RNF182: variants seen among roughly 807,000 people sequenced by gnomAD.
The protein encoded by RNF182 is E3 ubiquitin-protein ligase RNF182.
Under a neutral mutation model 14.4 loss-of-function variants are expected in RNF182, and 15 were observed. The ratio of observed to expected loss-of-function variants is 1.04; its 90% confidence interval spans 0.70 to 1.60. The LOEUF (loss-of-function observed/expected upper bound fraction) is 1.60, where lower values mean the gene tolerates loss of function less well. Among genes scored for constraint, RNF182 ranks in the 40% most tolerant of loss-of-function variants. The pLI is 0.00. For missense variants in RNF182, 268 were observed against 294.8 expected (o/e 0.91, Z 0.67); for synonymous variants, 128 against 122.9 (o/e 1.04, Z -0.27).
chr6:13,938,101 C>T (rs141934820), intron 1 of RNF182, among the ~76,000 whole-genome samples: 575 of 141,704 alleles, frequency 4.1e-3, no homozygotes, highest in African/African-American at 0.014. Context: ...ACCGGGTTCA[C>T]GCCATTCTCC....
intron 1 of RNF182, among the ~76,000 whole-genome samples, chr6:13,934,646 T>C (rs568153309): frequency 1.3e-5 from 2 of 152,248 alleles, no homozygotes; most frequent in African/African-American, 4.8e-5. Context: ...AAGACTGAAC[T>C]GTGATCCACG....
At chr6:13,928,188 G>A (rs923584246) in intron 1 of RNF182, among the ~76,000 whole-genome samples, 5 of 152,198 alleles carry the variant, frequency 3.3e-5, no homozygotes, top group Non-Finnish European at 7.3e-5. Flanking sequence ...TGGGGAAAAT[G>A]TATACTTTTA....
At chr6:13,947,582 T>C (rs141391640) in intron 1 of RNF182, among the ~76,000 whole-genome samples, 1,911 of 152,298 alleles carry the variant, frequency 0.013, 18 homozygotes, top group Non-Finnish European at 0.02. Flanking sequence ...AGACCAGTCA[T>C]GGATTTATGT....
intron 1 of RNF182, among the ~76,000 whole-genome samples, chr6:13,938,211 G>C (rs1032525384): frequency 6.9e-6 from 1 of 145,176 alleles, no homozygotes; most frequent in African/African-American, 2.6e-5. Context: ...TAGAGACGGG[G>C]TTTCACCGTG....
At chr6:13,929,424 CA>C (rs1301759188) in intron 1 of RNF182, among the ~76,000 whole-genome samples, 62 of 152,282 alleles carry the variant, frequency 4.1e-4, no homozygotes, top group African/African-American at 1.3e-3. Context: ...GTTGTTTATT[CA>C]AACTCTTGAA....
intron 1 of RNF182, among the ~76,000 whole-genome samples, chr6:13,966,686 C>A (rs531422607): frequency 3.3e-5 from 5 of 152,152 alleles, no homozygotes; most frequent in Admixed American, 3.3e-4. Flanking sequence ...TTGCTTGACC[C>A]CGCGGGGTGG....
At chr6:13,937,076 C>T (rs1759129815) in intron 1 of RNF182, among the ~76,000 whole-genome samples, 1 of 152,074 alleles carries the variant, frequency 6.6e-6, no homozygotes, top group African/African-American at 2.4e-5. Context: ...CATGGTGTTG[C>T]ATATAGACTT....
intron 1 of RNF182, among the ~76,000 whole-genome samples, chr6:13,973,376 C>T (rs543725281): frequency 5.9e-5 from 9 of 151,790 alleles, no homozygotes; most frequent in African/African-American, 9.7e-5. Flanking sequence ...TGGGAGGGCA[C>T]GATTGGTTTT....
rs1194431927 is a variant in RNF182, at chr6:13,977,944, A to G, written c.*81A>G. 6 of 1,386,204 alleles carry G rather than the reference A, an allele frequency of 4.3e-6. No homozygotes were observed. Among genetic ancestry groups the G allele is most frequent in the Admixed American group, 2.3e-5 (1 of 43,748 alleles). The allele number at this position is 1,386,204 out of a possible 1,614,324, so 85.9% of individuals were successfully genotyped here. ...GATAATTTATAATTTATTTTCTTTT[A>G]TGTTCTTTATGATTAGTATCCATGA... On this transcript the variant is annotated 3_prime_UTR_variant, in exon 3 of 3. Coordinates refer to ENST00000488300, the MANE Select transcript of RNF182 (RefSeq NM_152737.4).
intron 1 of RNF182, among the ~76,000 whole-genome samples, chr6:13,935,184 A>G (rs900366871): frequency 6.6e-6 from 1 of 152,226 alleles, no homozygotes; most frequent in African/African-American, 2.4e-5. Context: ...TTAGGAGCCA[A>G]TGTCAATAGT....
At chr6:13,949,430 T>C (rs1759526427) in intron 1 of RNF182, 1 of 717,154 alleles carries the variant, frequency 1.4e-6, no homozygotes, top group East Asian at 2.6e-5. Context: ...AGCTGTCATC[T>C]ATAGGTTTCT....
chr6:13,958,228 A>G (rs2113625146), intron 1 of RNF182, among the ~76,000 whole-genome samples: 1 of 152,198 alleles, frequency 6.6e-6, no homozygotes, highest in South Asian at 2.1e-4. Flanking sequence ...TCTATTAAAA[A>G]TACAAAAGTT....
At chr6:13,953,188 A>G (rs1367278854) in intron 1 of RNF182, among the ~76,000 whole-genome samples, 2 of 152,214 alleles carry the variant, frequency 1.3e-5, no homozygotes, top group African/African-American at 2.4e-5. Flanking sequence ...GCCTCCTAGG[A>G]ATGCAGCCAG....
intron 1 of RNF182, among the ~76,000 whole-genome samples, chr6:13,971,635 T>C (rs114585084): frequency 9.6e-4 from 146 of 152,278 alleles, no homozygotes; most frequent in African/African-American, 3.3e-3. Flanking sequence ...CCTAGAGTCT[T>C]GGAGGGCTCA....
chr6:13,965,867 A>G (rs919574325), intron 1 of RNF182, among the ~76,000 whole-genome samples: 2 of 152,200 alleles, frequency 1.3e-5, no homozygotes, highest in African/African-American at 4.8e-5. Context: ...GCAGGGCAGA[A>G]ATGTAACAAT....
intron 1 of RNF182, among the ~76,000 whole-genome samples, chr6:13,929,811 G>C (rs1758920706): frequency 6.6e-6 from 1 of 152,172 alleles, no homozygotes; most frequent in Non-Finnish European, 1.5e-5. Flanking sequence ...ACTAAGTGTA[G>C]AAATAATGAC....
At position 13,932,636 on chromosome 6, in the gene RNF182, A is replaced by G. The variant is rs571745809; in HGVS notation, c.-367+7613A>G. 7.9e-5 allele frequency among the ~76,000 whole-genome samples: 12 copies of G among 152,322 alleles called. No homozygotes were observed. The East Asian group carries it at 1.4e-3, about 17-fold the overall frequency. On this transcript the variant is annotated intron_variant, in intron 1 of 2. Transcript: ENST00000488300. ...TTGTCACTTACAAAATTAATATTGT[A>G]TAGACATAGTCAAATACTCCTAAAC...
rs553216218 is a variant in RNF182, at chr6:13,942,100, A to G, written c.-367+17077A>G. Reference sequence around the variant, plus strand: ...GAATTCTAGGTTGTCAGTTTCTTTCAGTACTTTAAAGATGTAATTTCATTG... The same window carrying G: ...GAATTCTAGGTTGTCAGTTTCTTTCGGTACTTTAAAGATGTAATTTCATTG... On this transcript the variant is annotated intron_variant, in intron 1 of 2. Transcript: ENST00000488300. Among the ~76,000 whole-genome samples, 84 of 152,216 alleles carry G rather than the reference A, an allele frequency of 5.5e-4. 1 individual carries two copies. The South Asian group carries it at 0.017, about 30-fold the overall frequency.
chr6:13,977,618 A>G lies in RNF182; in HGVS notation c.499A>G (p.Asn167Asp). The G allele has an allele frequency of 6.2e-7, 1 of 1,614,194 alleles. No homozygotes were observed. The highest frequency in any genetic ancestry group is 8.5e-7 in the Non-Finnish European group (1 of 1,180,022). ...CGACTCTGTCACCACTGTGTCACACAACTGGACTGTGTGGAACTGCACGTC... is the reference window on the plus strand; with the variant it reads ...CGACTCTGTCACCACTGTGTCACACGACTGGACTGTGTGGAACTGCACGTC... ...SFDSVTTVSH[N>D]WTVWNCTSLL... The change falls in exon 3 of 3, where the codon AAC becomes GAC. Residue 167 changes from asparagine to aspartate, a missense_variant. Physicochemically the swap from Asn to Asp is conservative, Grantham distance 23. Transcript: ENST00000488300.
Sources: allele counts gnomAD v4.1 joint callset (sites outside exome capture counted in the v4.1 genomes callset), GRCh38; gene constraint gnomAD v4.1.1; transcripts MANE v1.5; gene names NCBI Gene and HGNC (gene_info 2026-07-23, HGNC 2026-07-21).